The following SH3BGRL2 variants were observed in gnomAD, a reference collection of about 807,000 sequenced individuals.
The protein encoded by SH3BGRL2 is SH3 domain-binding glutamic acid-rich-like protein 2.
In SH3BGRL2, 21 loss-of-function variants were observed where a neutral mutation model predicts 14.8. The observed-to-expected ratio is 1.42, with a 90% CI of 1.01 to 2.05. The LOEUF is 2.05. SH3BGRL2 is among the 30% of genes most tolerant of loss of function. The pLI is 0.00. For synonymous variants in SH3BGRL2, 50 were observed against 47.8 expected (o/e 1.05, Z -0.19); for missense variants, 147 against 130.8 (o/e 1.12, Z -0.61).
the SH3BGRL2 span, among the ~76,000 whole-genome samples, chr6:79,612,916 C>T: frequency 6.6e-6 from 1 of 152,218 alleles, no homozygotes; most frequent in Admixed American, 6.5e-5. Context: ...ACTGCCCAAT[C>T]TCATTCACAT....
At chr6:79,572,654 A>G in the SH3BGRL2 span, among the ~76,000 whole-genome samples, 5 of 151,950 alleles carry the variant, frequency 3.3e-5, no homozygotes, top group African/African-American at 1.2e-4. Flanking sequence ...TTCAGCAGAG[A>G]TGGGGTTTCA....
rs1319880805 is a variant in SH3BGRL2, at chr6:79,703,196, C to T, written c.*3687C>T. The stretch of plus-strand genomic sequence containing the variant: ...GCCCCTAAAATGTGGTAAGTGTTGT[C>T]AGAGCAGGGCAATATCTCTACTCTC... On this transcript the variant is annotated 3_prime_UTR_variant, in exon 4 of 4. Transcript: ENST00000369838. The T allele has an allele frequency of 6.6e-6, 1 of 152,102 alleles. No homozygotes were observed. The highest frequency in any genetic ancestry group is 1.9e-4 in the East Asian group (1 of 5,184). The allele number at this position is 152,102 out of a possible 1,614,324, so 9.4% of individuals were successfully genotyped here.
At chr6:79,554,200 C>T in the SH3BGRL2 span, among the ~76,000 whole-genome samples, 1 of 152,008 alleles carries the variant, frequency 6.6e-6, no homozygotes, top group African/African-American at 2.4e-5. Flanking sequence ...GCTTGTCTTT[C>T]CCTCTTATTT....
At chr6:79,563,381 G>A in the SH3BGRL2 span, among the ~76,000 whole-genome samples, 2 of 151,930 alleles carry the variant, frequency 1.3e-5, no homozygotes, top group Non-Finnish European at 2.9e-5. Flanking sequence ...TGAAGTGCTG[G>A]GATTACAGGA....
the SH3BGRL2 span, among the ~76,000 whole-genome samples, chr6:79,550,269 A>G: frequency 6.6e-6 from 1 of 152,108 alleles, no homozygotes; most frequent in Non-Finnish European, 1.5e-5. Flanking sequence ...TTTTGCAGCT[A>G]CTGGTAACAG....
chr6:79,696,481 C>A lies in SH3BGRL2; in HGVS notation c.232-4C>A. The A allele has an allele frequency of 6.4e-7, 1 of 1,564,276 alleles. No individual in the cohort carries two copies. Among genetic ancestry groups the A allele is most frequent in the Non-Finnish European group, 8.6e-7 (1 of 1,163,724 alleles). ...GTTTATTTTCTGCTTCCCTTTTTTT[C>A]TAGGATTATGACAGTTTTTTTGAAT... On this transcript the variant is annotated splice_region_variant and splice_polypyrimidine_tract_variant and intron_variant, in intron 2 of 3. Transcript: ENST00000369838.
chr6:79,596,049 T>C, the SH3BGRL2 span, among the ~76,000 whole-genome samples: 1 of 152,114 alleles, frequency 6.6e-6, no homozygotes, highest in Admixed American at 6.6e-5. Context: ...CAAAATAAAA[T>C]TAAACAATTC....
rs1251604811 is a variant in SH3BGRL2 at position 79,702,251 on chromosome 6, A to C, written c.*2742A>C. ...TGTTTTTATATTACATGAATTTAAT[A>C]ATAAACTAAACTTTTTTTTGTCTCC... is the stretch of plus-strand genomic sequence containing the variant. On this transcript the variant is annotated 3_prime_UTR_variant, in exon 4 of 4. Coordinates refer to ENST00000369838, the MANE Select transcript of SH3BGRL2 (RefSeq NM_031469.4). The C allele has an allele frequency of 6.6e-6, 1 of 152,656 alleles. No individual in the cohort carries two copies. Among genetic ancestry groups the C allele is most frequent in the African/African-American group, 2.4e-5 (1 of 41,472 alleles). The allele number at this position is 152,656 out of a possible 1,614,324, so 9.5% of individuals were successfully genotyped here.
chr6:79,604,257 C>T, the SH3BGRL2 span, among the ~76,000 whole-genome samples: 2 of 152,232 alleles, frequency 1.3e-5, no homozygotes, highest in Admixed American at 6.5e-5. Flanking sequence ...AACTTTCCCA[C>T]ATCCTATTAC....
chr6:79,641,647 T>G (rs1357929110), intron 1 of SH3BGRL2, among the ~76,000 whole-genome samples: 1 of 152,170 alleles, frequency 6.6e-6, no homozygotes, highest in Non-Finnish European at 1.5e-5. Flanking sequence ...AAATGAATGA[T>G]TTTGCATTAG....
the SH3BGRL2 span, among the ~76,000 whole-genome samples, chr6:79,576,766 A>T: frequency 9.2e-5 from 14 of 152,150 alleles, 1 homozygote; most frequent in Admixed American, 7.2e-4. Flanking sequence ...ATAACCCCAA[A>T]TGTTTCTTTG....
the SH3BGRL2 span, among the ~76,000 whole-genome samples, chr6:79,598,722 T>C: frequency 2.0e-5 from 3 of 152,178 alleles, no homozygotes; most frequent in Non-Finnish European, 4.4e-5. Flanking sequence ...CTGTATACTT[T>C]AAATGAGTGA....
intron 2 of SH3BGRL2, among the ~76,000 whole-genome samples, chr6:79,678,547 TG>T (rs1393566028): frequency 8.5e-5 from 13 of 152,242 alleles, no homozygotes; most frequent in African/African-American, 3.1e-4. Context: ...GATGGACATT[TG>T]GATTAAATTC....
At chr6:79,589,886 C>T in the SH3BGRL2 span, among the ~76,000 whole-genome samples, 1 of 152,144 alleles carries the variant, frequency 6.6e-6, no homozygotes, top group Non-Finnish European at 1.5e-5. Context: ...ATCTTTCCAC[C>T]TCAACCTTCC....
chr6:79,538,340 A>G, the SH3BGRL2 span, among the ~76,000 whole-genome samples: 1 of 152,144 alleles, frequency 6.6e-6, no homozygotes, highest in African/African-American at 2.4e-5. Flanking sequence ...AAGATTGGTA[A>G]TTCCTGCTTC....
At chr6:79,676,880 A>AT (rs1769895859) in intron 2 of SH3BGRL2, among the ~76,000 whole-genome samples, 2 of 151,858 alleles carry the variant, frequency 1.3e-5, no homozygotes, top group Admixed American at 1.3e-4. Context: ...GTCTGTGGAA[A>AT]TTTTTTCAAG....
chr6:79,570,880 T>C, the SH3BGRL2 span, among the ~76,000 whole-genome samples: 1 of 152,248 alleles, frequency 6.6e-6, no homozygotes, highest in Admixed American at 6.5e-5. Context: ...TACATATTGC[T>C]ATCATAAAGG....
intron 3 of SH3BGRL2, among the ~76,000 whole-genome samples, chr6:79,697,572 A>C (rs1055891373): frequency 2.0e-5 from 3 of 152,242 alleles, no homozygotes; most frequent in African/African-American, 7.2e-5. Flanking sequence ...TCTGCAGTGC[A>C]TAGCCAATGT....
rs1031568675 is a variant in SH3BGRL2 at position 79,699,650 on chromosome 6, A to G, written c.*141A>G. The G allele has an allele frequency of 2.0e-4, 231 of 1,165,992 alleles. No homozygotes were observed. Among genetic ancestry groups the G allele is most frequent in the Middle Eastern group, 2.1e-4 (1 of 4,732 alleles). 72.2% of individuals were successfully genotyped at this position (1,165,992 alleles called of 1,614,324 possible). ...GCTTGCCACGGAAAAGGTGTTTTTG[A>G]AAGATGTGGCTATAATGAGAATTGC... On this transcript the variant is annotated 3_prime_UTR_variant, in exon 4 of 4. Coordinates refer to ENST00000369838, the MANE Select transcript of SH3BGRL2 (RefSeq NM_031469.4).
Sources: gnomAD v4.1 joint callset for allele counts (sites outside exome capture counted in the v4.1 genomes callset) on GRCh38, gnomAD v4.1.1 for gene constraint, MANE v1.5 for transcripts, NCBI Gene and HGNC (gene_info 2026-07-23, HGNC 2026-07-21) for gene names.